SYTL1: variants seen among roughly 807,000 people sequenced by gnomAD.
SYTL1 encodes synaptotagmin-like protein 1.
A neutral mutation model predicts 74.6 loss-of-function variants in SYTL1; 53 were observed. That is an observed-to-expected ratio of 0.71 (90% confidence interval 0.57 to 0.89). The LOEUF (loss-of-function observed/expected upper bound fraction) is 0.89. SYTL1 is among the 40% of genes least tolerant of loss of function. The pLI is 0.00. For missense variants in SYTL1, 728 were observed against 768.7 expected (o/e 0.95, Z 0.63); for synonymous variants, 329 against 324.9 (o/e 1.01, Z -0.14).
Position 27,350,569 on chromosome 1 carries a change from A to G in SYTL1, c.1005+84A>G. ...GGGCTAGGTGGCAAGGGCAGCCAGT[A>G]ACGTCATTGCCCGGAGGATCGGCGG... On this transcript the variant is annotated intron_variant, in intron 10 of 14. Coordinates refer to ENST00000616558, the MANE Select transcript of SYTL1 (RefSeq NM_001193308.2). This position sits in a 1 kb window ranked among gnomAD's most constrained non-coding sequence, Gnocchi z 6.3. The G allele has an allele frequency of 2.4e-6, 3 of 1,243,600 alleles. No individual in the cohort carries two copies. Among genetic ancestry groups the G allele is most frequent in the Non-Finnish European group, 3.4e-6 (3 of 869,858 alleles). 77.0% of individuals were successfully genotyped at this position (1,243,600 alleles called of 1,614,324 possible). A position where few individuals can be genotyped will look rare whatever the true frequency, so the allele number is the denominator to read the frequency against.
chr1:27,345,538 A>C lies in SYTL1; in HGVS notation c.191+13A>C, dbSNP rs1340646979. 2.6e-6 allele frequency: 4 copies of C among 1,536,064 alleles called. No homozygotes were observed. The highest frequency in any genetic ancestry group is 3.5e-6 in the Non-Finnish European group (4 of 1,137,302). The stretch of plus-strand genomic sequence containing the variant: ...AGGGGCGGGTCAGGTAAGGCAGGGC[A>C]GACCCTGGCCGGGGAGCACCAAGAG... On this transcript the variant is annotated intron_variant, in intron 2 of 14. Coordinates refer to ENST00000616558, the MANE Select transcript of SYTL1 (RefSeq NM_001193308.2). This position sits in a 1 kb window ranked among gnomAD's most constrained non-coding sequence, Gnocchi z 6.0.
chr1:27,349,529 A>T (rs1438235405), intron 7 of SYTL1, 31 bp downstream of exon 7: 2 of 1,458,804 alleles, frequency 1.4e-6, no homozygotes, highest in Non-Finnish European at 1.8e-6. Context: ...GCTGCTCTCA[A>T]CATCCGGAGC....
Position 27,351,329 on chromosome 1 carries a change from C to T in SYTL1, c.1236C>T (p.Gly412=). The part of the protein sequence containing the change: ...LALSLKYVPA[G]SEGAGLPPSG... ...TGTCCCTCAAGTACGTCCCCGCCGG[C>T]TCCGAGGGTGAGTGACAGCCGGAGA... Residue 412 remains glycine, a synonymous_variant, in exon 12 of 15, where the codon GGC becomes GGT. Transcript: ENST00000616558. The surrounding 1 kb of genome is among the most constrained non-coding windows in gnomAD (Gnocchi z 5.0). The T allele has an allele frequency of 6.4e-7, 1 of 1,553,348 alleles. No individual in the cohort carries two copies. The highest frequency in any genetic ancestry group is 8.7e-7 in the Non-Finnish European group (1 of 1,148,832).
At position 27,347,827 on chromosome 1, in the gene SYTL1, C is replaced by T. The variant is rs147251579; in HGVS notation, c.360C>T (p.His120=). ...KSTRGDQAPG[H]DREAEAAVKE... ...GCCCAGGAGACCAGGCTCCAGGCCA[C>T]GACAGGGAGGCTGAGGCTGCTGTGA... Residue 120 remains histidine, a synonymous_variant, in exon 4 of 15, where the codon CAC becomes CAT. Coordinates refer to ENST00000616558, the MANE Select transcript of SYTL1 (RefSeq NM_001193308.2). This position sits in a 1 kb window ranked among gnomAD's most constrained non-coding sequence, Gnocchi z 4.9. 8.1e-6 allele frequency: 13 copies of T among 1,613,512 alleles called. No individual in the cohort carries two copies. Among genetic ancestry groups the T allele is most frequent in the African/African-American group, 2.7e-5 (2 of 74,924 alleles).
Position 27,349,729 on chromosome 1 carries a change from CA to C in SYTL1, c.712del (p.Ser238AlafsTer13). 1 of 1,609,446 alleles carries C rather than the reference CA, an allele frequency of 6.2e-7. No individual in the cohort carries two copies. The highest frequency in any genetic ancestry group is 8.5e-7 in the Non-Finnish European group (1 of 1,179,256). ...PDPSLDRMLS[S>X]SSSVSSLNSS... Reference sequence around the variant, plus strand: ...ACCCCTCTCTCGACCGCATGCTCAGCAGCAGCTCCTCGGTGTCCAGCCTTAA... The same window carrying C: ...ACCCCTCTCTCGACCGCATGCTCAGCGCAGCTCCTCGGTGTCCAGCCTTAA... On this transcript the variant is annotated frameshift_variant, in exon 8 of 15. Coordinates refer to ENST00000616558, the MANE Select transcript of SYTL1 (RefSeq NM_001193308.2). LOFTEE classifies it high-confidence loss of function.
rs773464496 is a variant in SYTL1 at position 27,350,870 on chromosome 1, A to C, written c.1082A>C (p.Asn361Thr). Residue 361 changes from asparagine to threonine, a missense_variant, in exon 11 of 15, where the codon AAC becomes ACC. Asn to Thr is a moderately conservative substitution (Grantham distance 65, BLOSUM62 0). Coordinates refer to ENST00000616558, the MANE Select transcript of SYTL1 (RefSeq NM_001193308.2). This position sits in a 1 kb window ranked among gnomAD's most constrained non-coding sequence, Gnocchi z 6.3. ...TGGCACCGCGAAAGCCTGGGTCGCA[A>C]CATCTTTCTGGGCGAAGTTGAAGTG... The part of the protein sequence containing the change: ...SVWHRESLGR[N>T]IFLGEVEVPL... 6.2e-7 allele frequency: 1 copy of C among 1,613,840 alleles called. No individual in the cohort carries two copies. The highest frequency in any genetic ancestry group is 8.5e-7 in the Non-Finnish European group (1 of 1,180,010).
At position 27,351,227 on chromosome 1, in the gene SYTL1, C is replaced by T; in HGVS notation, c.1165-31C>T. ...CCTCCTGAGGCCCCTTTCCATTAGC[C>T]CCTGCTCCACGATAAGCCCGCCTCT... On this transcript the variant is annotated intron_variant, in intron 11 of 14. Transcript: ENST00000616558. The surrounding 1 kb of genome is among the most constrained non-coding windows in gnomAD (Gnocchi z 5.0). 3 of 1,549,196 alleles carry T rather than the reference C, an allele frequency of 1.9e-6. No individual in the cohort carries two copies. The highest frequency in any genetic ancestry group is 1.7e-6 in the Non-Finnish European group (2 of 1,147,222).
Position 27,348,109 on chromosome 1 carries a change from A to T in SYTL1, c.459+97A>T. The T allele has an allele frequency of 8.2e-7, 1 of 1,216,720 alleles. No homozygotes were observed. The highest frequency in any genetic ancestry group is 1.2e-6 in the Non-Finnish European group (1 of 825,104). 75.4% of individuals were successfully genotyped at this position (1,216,720 alleles called of 1,614,324 possible). A position where few individuals can be genotyped will look rare whatever the true frequency, so the allele number is the denominator to read the frequency against. ...AAAGAGCCCCAGCCTGGGAATGGGGAGACCCTGGAAATGTTCCTTCCTGTG... is the reference window on the plus strand; with the variant it reads ...AAAGAGCCCCAGCCTGGGAATGGGGTGACCCTGGAAATGTTCCTTCCTGTG... On this transcript the variant is annotated intron_variant, in intron 5 of 14. Transcript: ENST00000616558. The surrounding 1 kb of genome is among the most constrained non-coding windows in gnomAD (Gnocchi z 4.1).
Position 27,351,200 on chromosome 1 carries a change from A to C in SYTL1, c.1165-58A>C. 1.3e-6 allele frequency: 2 copies of C among 1,535,278 alleles called. No homozygotes were observed. The highest frequency in any genetic ancestry group is 1.8e-6 in the Non-Finnish European group (2 of 1,137,310). ...CACCCCATCCGGGTCTGCAGACCCC[A>C]CCCTCCTGAGGCCCCTTTCCATTAG... is the stretch of plus-strand genomic sequence containing the variant. On this transcript the variant is annotated intron_variant, in intron 11 of 14. Transcript: ENST00000616558. The surrounding 1 kb of genome is among the most constrained non-coding windows in gnomAD (Gnocchi z 5.0).
chr1:27,343,755 C>T lies in SYTL1; in HGVS notation c.-38-1542C>T, dbSNP rs900223618. Among the ~76,000 whole-genome samples, 2 of 152,142 alleles carry T rather than the reference C, an allele frequency of 1.3e-5. No individual in the cohort carries two copies. Among genetic ancestry groups the T allele is most frequent in the African/African-American group, 4.8e-5 (2 of 41,438 alleles). On this transcript the variant is annotated intron_variant, in intron 1 of 14. Transcript: ENST00000616558. This position sits in a 1 kb window ranked among gnomAD's most constrained non-coding sequence, Gnocchi z 5.2. The stretch of plus-strand genomic sequence containing the variant: ...ATGGCTTTGAGGGTGACTCCCTCTC[C>T]CTGCCTCCAAGGAGCTCACAACCCA...
At chr1:27,353,166 G>C in intron 13 of SYTL1, 117 bp from the exon 14 acceptor site, 1 of 1,057,176 alleles carries the variant, frequency 9.5e-7, no homozygotes, top group South Asian at 1.5e-5. Context: ...CTAAGGCCAG[G>C]CAGGCAGGAG....
Position 27,353,724 on chromosome 1 carries a change from G to C in SYTL1, c.1561G>C (p.Gly521Arg). 6.2e-7 allele frequency: 1 copy of C among 1,613,676 alleles called. No homozygotes were observed. The highest frequency in any genetic ancestry group is 8.5e-7 in the Non-Finnish European group (1 of 1,179,828). The stretch of plus-strand genomic sequence containing the variant: ...CCACCCACATCCAGGCAGCAGCTAT[G>C]GGCTGCAGGTGCCCTGGATGGATTC... ...RLSLGTGSSY[G>R]LQVPWMDSTP... is the part of the protein sequence containing the mutation. The change falls in exon 15 of 15, where the codon GGG becomes CGG. Residue 521 changes from glycine (G) to arginine (R), a missense_variant. By Grantham distance (125) the Gly-to-Arg change is moderately radical. Transcript: ENST00000616558.
rs376618710 is a variant in SYTL1, at chr1:27,349,681, T to C, written c.663T>C (p.Asn221=). 11 of 1,610,556 alleles carry C rather than the reference T, an allele frequency of 6.8e-6. No individual in the cohort carries two copies. The highest frequency in any genetic ancestry group is 8.5e-6 in the Non-Finnish European group (10 of 1,178,898). ...QTKAASQILE[N]GEEAPGPDPS... is the part of the protein sequence containing the mutation. ...AGGCCGCGTCCCAGATCCTGGAGAA[T>C]GGGGAGGAGGCCCCGGGGCCCGACC... is the stretch of plus-strand genomic sequence containing the variant. The change falls in exon 8 of 15, where the codon AAT becomes AAC. Residue 221 remains asparagine (N), a synonymous_variant. Coordinates refer to ENST00000616558, the MANE Select transcript of SYTL1 (RefSeq NM_001193308.2).
At position 27,350,680 on chromosome 1, in the gene SYTL1, G is replaced by T. The variant is rs921653258; in HGVS notation, c.1006-114G>T. The T allele has an allele frequency of 7.5e-6, 10 of 1,336,454 alleles. No homozygotes were observed. Among genetic ancestry groups the T allele is most frequent in the Non-Finnish European group, 9.3e-6 (9 of 966,284 alleles). 82.8% of individuals were successfully genotyped at this position (1,336,454 alleles called of 1,614,324 possible). A position where few individuals can be genotyped will look rare whatever the true frequency, so the allele number is the denominator to read the frequency against. Reference sequence around the variant, plus strand: ...CAGGTCCCCATTAATGCCCTTAGGGGCTCCCCAGAATTCCATCATGGTAGG... The same window carrying T: ...CAGGTCCCCATTAATGCCCTTAGGGTCTCCCCAGAATTCCATCATGGTAGG... On this transcript the variant is annotated intron_variant, in intron 10 of 14. Coordinates refer to ENST00000616558, the MANE Select transcript of SYTL1 (RefSeq NM_001193308.2). This position sits in a 1 kb window ranked among gnomAD's most constrained non-coding sequence, Gnocchi z 6.3.
At chr1:27,349,558 G>C (rs2015153112) in intron 7 of SYTL1, 60 bp downstream of exon 7, 1 of 1,475,846 alleles carries the variant, frequency 6.8e-7, no homozygotes, top group Non-Finnish European at 9.0e-7. Context: ...GGCGGGGAGC[G>C]CTCCTGCCCA....
rs2148026872 is a variant in SYTL1, at chr1:27,343,254, T to G, written c.-39+1104T>G. On this transcript the variant is annotated intron_variant, in intron 1 of 14. Transcript: ENST00000616558. The surrounding 1 kb of genome is among the most constrained non-coding windows in gnomAD (Gnocchi z 5.2). ...GCCCCTCAGCGCTGGGCAAATGCTT[T>G]CTTTCCGGAGTCACTGTGGTACCTG... 6.5e-6 allele frequency: 1 copy of G among 152,706 alleles called. No individual in the cohort carries two copies. The highest frequency in any genetic ancestry group is 2.4e-5 in the African/African-American group (1 of 41,580). 9.5% of individuals were successfully genotyped at this position (152,706 alleles called of 1,614,324 possible). A position where few individuals can be genotyped will look rare whatever the true frequency, so the allele number is the denominator to read the frequency against.
chr1:27,353,037 CG>C, intron 13 of SYTL1: 1 of 512,728 alleles, frequency 2.0e-6, no homozygotes. Flanking sequence ...CCACCCACCT[CG>C]GCCTCCCAAA....
chr1:27,349,345 T>C, intron 6 of SYTL1, 53 bp from the exon 7 acceptor site: 2 of 1,446,430 alleles, frequency 1.4e-6, no homozygotes, highest in South Asian at 1.5e-5. Context: ...CCTACAAATT[T>C]GCTTAGGGGA....
At position 27,351,586 on chromosome 1, in the gene SYTL1, T is replaced by C; in HGVS notation, c.1343+31T>C. The stretch of plus-strand genomic sequence containing the variant: ...GAGTGCTGGCCCTCCGGGCTTCCCA[T>C]TCTTTTGCCTGCAGTGGAGTGCCCA... On this transcript the variant is annotated intron_variant, in intron 13 of 14. Coordinates refer to ENST00000616558, the MANE Select transcript of SYTL1 (RefSeq NM_001193308.2). This position sits in a 1 kb window ranked among gnomAD's most constrained non-coding sequence, Gnocchi z 5.0. The C allele has an allele frequency of 7.1e-7, 1 of 1,411,854 alleles. No homozygotes were observed. The allele number at this position is 1,411,854 out of a possible 1,614,324, so 87.5% of individuals were successfully genotyped here.
Sources: allele counts gnomAD v4.1 joint callset (sites outside exome capture counted in the v4.1 genomes callset), GRCh38; gene constraint gnomAD v4.1.1; non-coding constraint Gnocchi (gnomAD v3.1); transcripts MANE v1.5; gene names NCBI Gene and HGNC (gene_info 2026-07-23, HGNC 2026-07-21).